Variants in ZNF609 observed in about 807,000 individuals in gnomAD.
ZNF609 encodes zinc finger protein 609.
Under a neutral mutation model 109.5 loss-of-function variants are expected in ZNF609, and 11 were observed. That is an observed-to-expected ratio of 0.10 (90% confidence interval 0.06 to 0.17). The LOEUF (loss-of-function observed/expected upper bound fraction) is 0.17. Among genes scored for constraint, ZNF609 ranks in the 10% least tolerant of loss-of-function variants. The probability of loss-of-function intolerance (pLI) is 1.00; values close to 1 mark genes in which losing one functional copy is unlikely to be tolerated. For synonymous variants in ZNF609, 646 were observed against 662.0 expected, an observed-to-expected ratio of 0.98 and a Z score of 0.37; for missense variants, 1,559 against 1,772.4, an observed-to-expected ratio of 0.88 and a Z score of 2.16.
chr15:64,669,393 G>A (rs1481535271), intron 3 of ZNF609, among the ~76,000 whole-genome samples: 1 of 152,088 alleles, frequency 6.6e-6, no homozygotes, highest in East Asian at 1.9e-4. Flanking sequence ...AAAATATTTG[G>A]GTACATGAAA....
intron 1 of ZNF609, among the ~76,000 whole-genome samples, chr15:64,492,011 ACAGG>A (rs1175035403): frequency 3.3e-5 from 5 of 152,078 alleles, no homozygotes; most frequent in African/African-American, 1.2e-4. Flanking sequence ...GAAGGCCAAC[ACAGG>A]CAGATCACCT....
At chr15:64,551,714 A>G (rs566020706) in intron 2 of ZNF609, among the ~76,000 whole-genome samples, 4 of 149,328 alleles carry the variant, frequency 2.7e-5, no homozygotes, top group South Asian at 4.4e-4. Context: ...ATGGAGAGGG[A>G]GAAAGACAAG....
In ZNF609 at chr15:64,680,222, T is replaced by C. The variant is rs975752338; in HGVS notation, c.3807T>C (p.Tyr1269=). The change falls in exon 7 of 10, where the codon TAT becomes TAC. Residue 1269 remains tyrosine, a synonymous_variant. Coordinates refer to ENST00000326648, the MANE Select transcript of ZNF609 (RefSeq NM_015042.2). ...YLPSSYSFSP[Y]GSKVSGGEDA... ...CTTCCAGCTACTCTTTTTCCCCATA[T>C]GGCAGCAAGGTCTCAGGTGGTGAAG... 1.2e-6 allele frequency: 2 copies of C among 1,614,206 alleles called. No homozygotes were observed. Among genetic ancestry groups the C allele is most frequent in the Non-Finnish European group, 1.7e-6 (2 of 1,180,040 alleles).
At chr15:64,637,023 C>T (rs1186150379) in intron 3 of ZNF609, among the ~76,000 whole-genome samples, 2 of 152,178 alleles carry the variant, frequency 1.3e-5, no homozygotes, top group Non-Finnish European at 2.9e-5. Context: ...CACAGTATTG[C>T]CAGAACCCCA....
chr15:64,588,878 G>A (rs1192383564), intron 2 of ZNF609, among the ~76,000 whole-genome samples: 3 of 151,880 alleles, frequency 2.0e-5, no homozygotes, highest in Non-Finnish European at 2.9e-5. Context: ...CCTCGGGTTC[G>A]GGTTATCCAC....
intron 2 of ZNF609, among the ~76,000 whole-genome samples, chr15:64,545,937 G>A (rs186788425): frequency 1.3e-5 from 2 of 152,140 alleles, no homozygotes; most frequent in East Asian, 3.9e-4. Flanking sequence ...CCAACTTCTG[G>A]CTATTATAAA....
At chr15:64,651,953 C>G (rs1896422898) in intron 3 of ZNF609, among the ~76,000 whole-genome samples, 2 of 152,052 alleles carry the variant, frequency 1.3e-5, no homozygotes, top group Non-Finnish European at 2.9e-5. Flanking sequence ...CCACACCCAA[C>G]TCTGTGTACT....
chr15:64,587,138 AC>A (rs924039438), intron 2 of ZNF609, among the ~76,000 whole-genome samples: 3 of 152,342 alleles, frequency 2.0e-5, no homozygotes, highest in Admixed American at 2.0e-4. Flanking sequence ...GATGGCGAAA[AC>A]TAAAATAATT....
chr15:64,541,636 C>G (rs1391642133), intron 2 of ZNF609, among the ~76,000 whole-genome samples: 2 of 151,114 alleles, frequency 1.3e-5, no homozygotes, highest in East Asian at 2.0e-4. Context: ...GTCAGGAGAT[C>G]GAGACCATCC....
Position 64,549,403 on chromosome 15 carries a change from A to G in ZNF609, c.747+49237A>G, listed in dbSNP as rs531499336. On this transcript the variant is annotated intron_variant, in intron 2 of 9. Transcript: ENST00000326648. ...AGAAACAGGGTTTCACCATGTTTCA[A>G]CAGCTAGGCTGATCCACCCACCAAG... Among the ~76,000 whole-genome samples the G allele has an allele frequency of 4.6e-5, 7 of 152,228 alleles. No individual in the cohort carries two copies. The South Asian group carries it at 1.5e-3, about 32-fold the overall frequency.
intron 2 of ZNF609, among the ~76,000 whole-genome samples, chr15:64,612,085 G>C (rs939935461): frequency 1.3e-5 from 2 of 151,452 alleles, no homozygotes; most frequent in Non-Finnish European, 1.5e-5. Flanking sequence ...TGCTGACCTT[G>C]AGTAGGTACT....
intron 1 of ZNF609, among the ~76,000 whole-genome samples, chr15:64,489,780 G>A (rs1354412579): frequency 1.3e-5 from 2 of 151,740 alleles, no homozygotes; most frequent in South Asian, 2.1e-4. Flanking sequence ...TGCCCGCCTC[G>A]GCCTCCCAAA....
intron 2 of ZNF609, among the ~76,000 whole-genome samples, chr15:64,595,322 C>T (rs1362069268): frequency 6.7e-6 from 1 of 148,994 alleles, no homozygotes; most frequent in Non-Finnish European, 1.5e-5. Flanking sequence ...GATCATGCCA[C>T]TGCACTCCAG....
intron 3 of ZNF609, among the ~76,000 whole-genome samples, chr15:64,630,820 T>C (rs1896062183): frequency 1.3e-5 from 2 of 152,222 alleles, no homozygotes; most frequent in Admixed American, 6.5e-5. Context: ...GTAAATTATT[T>C]TATTTCTTCC....
intron 2 of ZNF609, among the ~76,000 whole-genome samples, chr15:64,583,176 G>A (rs1895140750): frequency 1.3e-5 from 2 of 151,424 alleles, no homozygotes; most frequent in African/African-American, 4.9e-5. Flanking sequence ...GGGATTACAG[G>A]CACCCGCCAC....
chr15:64,652,721 T>G (rs1018388580), intron 3 of ZNF609, among the ~76,000 whole-genome samples: 6 of 152,072 alleles, frequency 3.9e-5, no homozygotes, highest in African/African-American at 1.2e-4. Flanking sequence ...ATTTTAGAGA[T>G]AGAGTCTCAC....
At chr15:64,482,841 G>A (rs1893274946) in intron 1 of ZNF609, among the ~76,000 whole-genome samples, 1 of 152,116 alleles carries the variant, frequency 6.6e-6, no homozygotes, top group African/African-American at 2.4e-5. Context: ...TAGTCATGGA[G>A]TGTCAGAAAA....
chr15:64,634,901 A>G (rs1896151455), intron 3 of ZNF609, among the ~76,000 whole-genome samples: 1 of 152,062 alleles, frequency 6.6e-6, no homozygotes, highest in Non-Finnish European at 1.5e-5. Context: ...CACCAAAAAC[A>G]ACAGCCAACA....
intron 3 of ZNF609, among the ~76,000 whole-genome samples, chr15:64,628,178 G>A (rs1235613926): frequency 6.6e-6 from 1 of 152,014 alleles, no homozygotes; most frequent in East Asian, 2.0e-4. Flanking sequence ...GCTTGTGCCT[G>A]TAGTCCCAGC....
Sources: allele counts gnomAD v4.1 joint callset (sites outside exome capture counted in the v4.1 genomes callset), GRCh38; gene constraint gnomAD v4.1.1; transcripts MANE v1.5; gene names NCBI Gene and HGNC (gene_info 2026-07-23, HGNC 2026-07-21).